Variants in SCAPER observed in about 807,000 individuals in gnomAD.
SCAPER encodes the protein S phase cyclin A-associated protein in the endoplasmic reticulum.
A neutral mutation model predicts 182.2 loss-of-function variants in SCAPER; 98 were observed. The ratio of observed to expected loss-of-function variants is 0.54; its 90% CI spans 0.46 to 0.64. The LOEUF (loss-of-function observed/expected upper bound fraction) is 0.64, where lower values mean the gene tolerates loss of function less well. Ranked by LOEUF, SCAPER falls within the 30% of genes least tolerant of loss-of-function variation. The pLI is 0.00. For synonymous variants in SCAPER, 605 were observed against 564.6 expected, an observed-to-expected ratio of 1.07 and a Z score of -1.01; for missense variants, 1,432 against 1,690.0, an observed-to-expected ratio of 0.85 and a Z score of 2.68.
chr15:76,830,127 C>T (rs1019198854), intron 5 of SCAPER, among the ~76,000 whole-genome samples: 3 of 151,406 alleles, frequency 2.0e-5, no homozygotes, highest in Non-Finnish European at 4.4e-5. Flanking sequence ...GTGTTCTGGG[C>T]GGAAAAATTA....
At chr15:76,587,286 A>G (rs150001337) in intron 22 of SCAPER, among the ~76,000 whole-genome samples, 2 of 151,954 alleles carry the variant, frequency 1.3e-5, no homozygotes, top group African/African-American at 2.4e-5. Context: ...TTTCTATTTC[A>G]TTTAGTTCTG....
chr15:76,722,875 C>T (rs1415468265), intron 17 of SCAPER, among the ~76,000 whole-genome samples: 1 of 152,108 alleles, frequency 6.6e-6, no homozygotes. Context: ...TTTAAAAAAA[C>T]AGGCTCCTGG....
At chr15:76,843,612 T>G (rs1156366005) in intron 4 of SCAPER, among the ~76,000 whole-genome samples, 3 of 152,124 alleles carry the variant, frequency 2.0e-5, no homozygotes, top group African/African-American at 7.2e-5. Flanking sequence ...GTGCATAAAC[T>G]AATGGCAATA....
At position 76,354,754 on chromosome 15, in the gene SCAPER, T is replaced by C. The variant is rs376685498; in HGVS notation, c.3856-614A>G. 2.0e-5 allele frequency: 3 copies of C among 152,376 alleles called. No individual in the cohort carries two copies. Among genetic ancestry groups the C allele is most frequent in the African/African-American group, 2.4e-5 (1 of 41,596 alleles). The allele number at this position is 152,376 out of a possible 1,614,324, so 9.4% of individuals were successfully genotyped here. ...CACTGAGTCTAAAAGGAGAACTGTT[T>C]AGATAAATGAGACTGTTGTCTTGAA... On this transcript the variant is annotated intron_variant, in intron 29 of 31. Coordinates refer to ENST00000563290, the MANE Select transcript of SCAPER (RefSeq NM_020843.4). The surrounding 1 kb of genome is among the most constrained non-coding windows in gnomAD (Gnocchi z 4.4).
At chr15:76,854,803 C>CAAAAAAAAA (rs35484908) in intron 4 of SCAPER, among the ~76,000 whole-genome samples, 1 of 118,376 alleles carries the variant, frequency 8.4e-6, no homozygotes, top group Non-Finnish European at 1.7e-5. Context: ...ACTAAAAATA[C>CAAAAAAAAA]AAAAAAAAAA....
intron 20 of SCAPER, among the ~76,000 whole-genome samples, chr15:76,693,234 A>T (rs1291916151): frequency 6.6e-6 from 1 of 152,208 alleles, no homozygotes; most frequent in Non-Finnish European, 1.5e-5. Flanking sequence ...CCAAACACAC[A>T]CAGTAAATCA....
chr15:76,353,131 G>A (rs992272043), intron 30 of SCAPER, among the ~76,000 whole-genome samples: 1 of 152,116 alleles, frequency 6.6e-6, no homozygotes, highest in Non-Finnish European at 1.5e-5. Flanking sequence ...TTTTGACAGA[G>A]ATAGATGTAT....
intron 5 of SCAPER, among the ~76,000 whole-genome samples, chr15:76,822,463 C>A (rs1344131295): frequency 6.6e-6 from 1 of 152,150 alleles, no homozygotes; most frequent in Non-Finnish European, 1.5e-5. Context: ...AACTTAAAAC[C>A]AGTTTTCAAT....
chr15:76,492,562 A>G (rs2052423821), intron 24 of SCAPER, among the ~76,000 whole-genome samples: 1 of 152,202 alleles, frequency 6.6e-6, no homozygotes, highest in Non-Finnish European at 1.5e-5. Context: ...GATGAAAAAC[A>G]TATTTGTAAG....
chr15:76,673,952 T>TACACACACACACACACAC (rs71447120), intron 20 of SCAPER, among the ~76,000 whole-genome samples: 3 of 146,356 alleles, frequency 2.0e-5, no homozygotes, highest in East Asian at 2.0e-4. Flanking sequence ...AATTTATCTA[T>TACACACACACACACACAC]ACACACACAC....
chr15:76,714,809 C>G (rs919256616), intron 17 of SCAPER, among the ~76,000 whole-genome samples: 2 of 152,036 alleles, frequency 1.3e-5, no homozygotes, highest in Non-Finnish European at 1.5e-5. Flanking sequence ...TAATTTATAT[C>G]GGTAAATTGC....
At chr15:76,352,639 G>A (rs1234693198) in intron 30 of SCAPER, among the ~76,000 whole-genome samples, 3 of 151,718 alleles carry the variant, frequency 2.0e-5, no homozygotes, top group East Asian at 1.9e-4. Context: ...CCACAGAGAC[G>A]GCGTTTTACT....
chr15:76,787,437 T>C (rs530149085), intron 8 of SCAPER, among the ~76,000 whole-genome samples: 2 of 152,252 alleles, frequency 1.3e-5, no homozygotes, highest in African/African-American at 4.8e-5. Context: ...AAGGCTGGAA[T>C]GCGGCGATCC....
intron 25 of SCAPER, among the ~76,000 whole-genome samples, chr15:76,456,182 C>A (rs570251276): frequency 6.6e-6 from 1 of 152,218 alleles, no homozygotes; most frequent in Admixed American, 6.5e-5. Context: ...GGGTTATATA[C>A]CCAGTGATGG....
chr15:76,474,964 C>T (rs1383472881), intron 24 of SCAPER, among the ~76,000 whole-genome samples: 1 of 152,140 alleles, frequency 6.6e-6, no homozygotes, highest in Non-Finnish European at 1.5e-5. Flanking sequence ...ACATCTAACA[C>T]ATTTATGACA....
At chr15:76,794,085 C>T (rs750165690) in intron 8 of SCAPER, among the ~76,000 whole-genome samples, 4 of 152,128 alleles carry the variant, frequency 2.6e-5, no homozygotes, top group Non-Finnish European at 2.9e-5. Context: ...TTGCTTTTCC[C>T]ACAGAATGGC....
At chr15:76,833,949 A>G (rs988861504) in intron 5 of SCAPER, among the ~76,000 whole-genome samples, 1 of 152,226 alleles carries the variant, frequency 6.6e-6, no homozygotes, top group African/African-American at 2.4e-5. Context: ...TAGACCGATC[A>G]AGGTAGAAAA....
At chr15:76,414,424 T>C (rs2045513403) in intron 26 of SCAPER, among the ~76,000 whole-genome samples, 1 of 151,886 alleles carries the variant, frequency 6.6e-6, no homozygotes, top group South Asian at 2.1e-4. Context: ...GTCAAACTGC[T>C]GAAACTCAAA....
At chr15:76,484,818 T>A (rs765881108) in intron 24 of SCAPER, among the ~76,000 whole-genome samples, 12 of 152,128 alleles carry the variant, frequency 7.9e-5, no homozygotes, top group Admixed American at 3.3e-4. Context: ...TACGATTACC[T>A]CAATAGATGG....
Sources: allele counts gnomAD v4.1 joint callset (sites outside exome capture counted in the v4.1 genomes callset), GRCh38; gene constraint gnomAD v4.1.1; non-coding constraint Gnocchi (gnomAD v3.1); transcripts MANE v1.5; gene names NCBI Gene and HGNC (gene_info 2026-07-23, HGNC 2026-07-21).